RABEP2: variants seen among roughly 807,000 people sequenced by gnomAD.
RABEP2 encodes the protein rab GTPase-binding effector protein 2.
In RABEP2, 57 loss-of-function variants were observed where a neutral mutation model predicts 74.1. That is an observed-to-expected ratio of 0.77 (90% confidence interval 0.62 to 0.96). The LOEUF (loss-of-function observed/expected upper bound fraction) is 0.96. RABEP2 is among the 40% of genes least tolerant of loss of function. The probability of loss-of-function intolerance (pLI) is 0.00; values close to 1 mark genes in which losing one functional copy is unlikely to be tolerated. For missense variants in RABEP2, 692 were observed against 756.3 expected (o/e 0.91, Z 1.00); for synonymous variants, 351 against 344.0 (o/e 1.02, Z -0.23).
chr16:28,914,150 T>C (rs2152220959), intron 5 of RABEP2, 86 bp downstream of exon 5: 1 of 1,155,328 alleles, frequency 8.7e-7, no homozygotes, highest in Non-Finnish European at 1.2e-6. Context: ...CCGGCTCTAG[T>C]TCTGGGTCTG....
rs766891639 is a variant in RABEP2, at chr16:28,914,296, G to A, written c.834C>T (p.Tyr278=). ...CGAGCTGGTAGCCAGGAGGGGGCAG[G>A]TAGATGCCCTCGGGAACCAGGGTGC... The part of the protein sequence containing the change: ...STGTLVPEGI[Y]LPPPGYQLVP... Residue 278 remains tyrosine (Y), a synonymous_variant, in exon 5 of 13, where the codon TAC becomes TAT. Transcript: ENST00000358201. 13 of 1,612,662 alleles carry A rather than the reference G, an allele frequency of 8.1e-6. No homozygotes were observed. The highest frequency in any genetic ancestry group is 9.3e-6 in the Non-Finnish European group (11 of 1,179,960).
chr16:28,924,645 C>A, intron 1 of RABEP2, 30 bp from the exon 2 acceptor site: 1 of 1,585,744 alleles, frequency 6.3e-7, no homozygotes, highest in South Asian at 1.1e-5. Flanking sequence ...GCCTCTCTTC[C>A]CATCTCTTAC....
intron 2 of RABEP2, among the ~76,000 whole-genome samples, chr16:28,922,410 C>A (rs1964478645): frequency 6.6e-6 from 1 of 151,916 alleles, no homozygotes; most frequent in South Asian, 2.1e-4. Flanking sequence ...CACGGTGAAA[C>A]CCCATCTCTA....
At chr16:28,922,473 G>A (rs1180481886) in intron 2 of RABEP2, among the ~76,000 whole-genome samples, 1 of 152,038 alleles carries the variant, frequency 6.6e-6, no homozygotes, top group African/African-American at 2.4e-5. Flanking sequence ...TCTAATCCCA[G>A]CACTCTGGGA....
chr16:28,905,010 A>T lies in RABEP2; in HGVS notation c.1643T>A (p.Leu548Gln), dbSNP rs1214651684. The T allele has an allele frequency of 6.2e-7, 1 of 1,611,142 alleles. No homozygotes were observed. Among genetic ancestry groups the T allele is most frequent in the South Asian group, 1.1e-5 (1 of 91,070 alleles). The change falls in exon 13 of 13, where the codon CTG becomes CAG. Residue 548 changes from leucine to glutamine, a missense_variant. Coordinates refer to ENST00000358201, the MANE Select transcript of RABEP2 (RefSeq NM_024816.3). ...RLERIRQAET[L>Q]EQVRSIMDEA... is the part of the protein sequence containing the mutation. ...ATCCATGATGCTGCGCACTTGCTCC[A>T]GGGTCTCAGCCTGGCGGATCCGCTC...
chr16:28,908,580 CA>C (rs1567495590), intron 8 of RABEP2, 28 bp downstream of exon 8: 1 of 1,577,974 alleles, frequency 6.3e-7, no homozygotes, highest in Non-Finnish European at 8.6e-7. Flanking sequence ...ACGGTGGCTC[CA>C]GGCTCTCAGT....
In RABEP2 at chr16:28,911,133, TC is replaced by T; in HGVS notation, c.940del (p.Asp314ThrfsTer7). On this transcript the variant is annotated frameshift_variant, in exon 6 of 13. Coordinates refer to ENST00000358201, the MANE Select transcript of RABEP2 (RefSeq NM_024816.3). LOFTEE classifies it high-confidence loss of function. Reference protein sequence around the residue: ...KDLESVSRERDELQEGLRRSN... With the variant: ...KDLESVSRERXELQEGLRRSN... ...CCGTCTCAGGCCCTCTTGGAGCTCG[TC>T]CCGCTCGCGACTGACGCTCTCCAGG... The T allele has an allele frequency of 6.2e-7, 1 of 1,612,752 alleles. No homozygotes were observed.
intron 3 of RABEP2, 120 bp downstream of exon 3, chr16:28,919,666 T>G (rs1036622722): frequency 6.5e-5 from 78 of 1,198,920 alleles, no homozygotes; most frequent in Non-Finnish European, 8.3e-5. Context: ...CTGGTAACTC[T>G]GTGCTATTCC....
rs1182446569 is a variant in RABEP2 at position 28,908,742 on chromosome 16, T to C, written c.1112A>G (p.Lys371Arg). The change falls in exon 8 of 13, where the codon AAG becomes AGG. Residue 371 changes from lysine (K) to arginine (R), a missense_variant. Physicochemically the swap from Lys to Arg is conservative, Grantham distance 26. Coordinates refer to ENST00000358201, the MANE Select transcript of RABEP2 (RefSeq NM_024816.3). ...CCGCTTTACCTCATGGTGCAGGCAC[T>C]TGTGGGTGGTGACCAGCTCCGCCTA... The part of the protein sequence containing the change: ...LQMAELVTTH[K>R]CLHHEVKRLN... The C allele has an allele frequency of 1.9e-6, 3 of 1,614,170 alleles. No individual in the cohort carries two copies. Among genetic ancestry groups the C allele is most frequent in the African/African-American group, 1.3e-5 (1 of 75,050 alleles).
intron 8 of RABEP2, 111 bp from the exon 9 acceptor site, chr16:28,906,307 A>G: frequency 7.3e-7 from 1 of 1,377,860 alleles, no homozygotes; most frequent in Non-Finnish European, 9.6e-7. Flanking sequence ...GGGAGGATGG[A>G]AGCAAAGGGC....
At chr16:28,920,903 GC>G (rs1278449411) in intron 2 of RABEP2, among the ~76,000 whole-genome samples, 1 of 142,500 alleles carries the variant, frequency 7.0e-6, no homozygotes, top group Non-Finnish European at 1.5e-5. Flanking sequence ...TCACTCTGTT[GC>G]CCAGGCTGAA....
In RABEP2 at chr16:28,914,559, G is replaced by T; in HGVS notation, c.571C>A (p.His191Asn). The T allele has an allele frequency of 6.2e-7, 1 of 1,610,952 alleles. No homozygotes were observed. Among genetic ancestry groups the T allele is most frequent in the Non-Finnish European group, 8.5e-7 (1 of 1,178,202 alleles). Residue 191 changes from histidine to asparagine, a missense_variant, in exon 5 of 13, where the codon CAC becomes AAC. His to Asn is a moderately conservative substitution (Grantham distance 68). Coordinates refer to ENST00000358201, the MANE Select transcript of RABEP2 (RefSeq NM_024816.3). ...QRRPRHAPSL[H>N]GSTELLPLSR... Reference sequence around the variant, plus strand: ...AGGGGCAGCAACTCCGTGGAGCCGTGCAGGGAAGGGGCATGCCGGGGACGT... The same window carrying T: ...AGGGGCAGCAACTCCGTGGAGCCGTTCAGGGAAGGGGCATGCCGGGGACGT...
intron 2 of RABEP2, among the ~76,000 whole-genome samples, chr16:28,920,363 G>A (rs985408012): frequency 7.1e-6 from 1 of 141,618 alleles, no homozygotes; most frequent in African/African-American, 2.6e-5. Context: ...ATTTTTTTTG[G>A]TTATTATTAT....
rs547669564 is a variant in RABEP2, at chr16:28,924,937, G to C, written c.61+166C>G. 399 of 917,590 alleles carry C rather than the reference G, an allele frequency of 4.3e-4. 6 individuals are homozygous for C. The South Asian group carries it at 5.2e-3, about 12-fold the overall frequency. The allele number at this position is 917,590 out of a possible 1,614,324, so 56.8% of individuals were successfully genotyped here. On this transcript the variant is annotated intron_variant, in intron 1 of 12. Coordinates refer to ENST00000358201, the MANE Select transcript of RABEP2 (RefSeq NM_024816.3). ...ACTGGCCCTACCCCTTCAATGGCCG[G>C]GCCACGCCCCCTTTTGCCTGTGGCT...
At position 28,913,022 on chromosome 16, in the gene RABEP2, G is replaced by A. The variant is rs146505571; in HGVS notation, c.894+1214C>T. ...TTCTTGCCCGGGCTGGAGTGCAATGGCGCGATCTCGGCTTACCACAACTTC... is the reference window on the plus strand; with the variant it reads ...TTCTTGCCCGGGCTGGAGTGCAATGACGCGATCTCGGCTTACCACAACTTC... On this transcript the variant is annotated intron_variant, in intron 5 of 12. Coordinates refer to ENST00000358201, the MANE Select transcript of RABEP2 (RefSeq NM_024816.3). 3.9e-5 allele frequency among the ~76,000 whole-genome samples: 6 copies of A among 152,068 alleles called. No individual in the cohort carries two copies. In the East Asian group the frequency reaches 9.7e-4, roughly 24 times the overall value.
At chr16:28,911,656 G>GAAA (rs112165632) in intron 5 of RABEP2, among the ~76,000 whole-genome samples, 1 of 84,822 alleles carries the variant, frequency 1.2e-5, no homozygotes. Context: ...TCAAAAAAGA[G>GAAA]AAAAAAAAAA....
At chr16:28,906,522 T>A (rs1964236842) in intron 8 of RABEP2, among the ~76,000 whole-genome samples, 1 of 152,138 alleles carries the variant, frequency 6.6e-6, no homozygotes, top group Admixed American at 6.5e-5. Context: ...CTCAGTACTT[T>A]GGGAGGCTGA....
At chr16:28,915,855 T>G in intron 3 of RABEP2, among the ~76,000 whole-genome samples, 1 of 141,740 alleles carries the variant, frequency 7.1e-6, no homozygotes, top group Non-Finnish European at 1.5e-5. Context: ...TTTTTTTCTT[T>G]TAATAAGAAG....
At chr16:28,925,045 G>A in intron 1 of RABEP2, 58 bp downstream of exon 1, 1 of 1,515,924 alleles carries the variant, frequency 6.6e-7, no homozygotes, top group Non-Finnish European at 8.9e-7. Context: ...CAGGTGGCTG[G>A]CTCGGCCCCG....
Sources: allele counts gnomAD v4.1 joint callset (sites outside exome capture counted in the v4.1 genomes callset), GRCh38; gene constraint gnomAD v4.1.1; transcripts MANE v1.5; gene names NCBI Gene and HGNC (gene_info 2026-07-23, HGNC 2026-07-21).